Variants in LPAR5 observed in about 807,000 individuals in gnomAD.
LPAR5 encodes the protein lysophosphatidic acid receptor 5, also known as G protein-coupled receptor 92.
For missense variants in LPAR5, 544 were observed against 521.8 expected (o/e 1.04, Z -0.41); for synonymous variants, 271 against 261.6 (o/e 1.04, Z -0.35).
intron 1 of LPAR5, among the ~76,000 whole-genome samples, chr12:6,634,148 GGT>G (rs1948997334): frequency 6.6e-6 from 1 of 152,130 alleles, no homozygotes; most frequent in Non-Finnish European, 1.5e-5. Context: ...TGGGACTATA[GGT>G]GCGTGCCACC....
At position 6,619,719 on chromosome 12, in the gene LPAR5, A is replaced by G. The variant is rs1948870311; in HGVS notation, c.*411T>C. 1 of 363,544 alleles carries G rather than the reference A, an allele frequency of 2.8e-6. No individual in the cohort carries two copies. The highest frequency in any genetic ancestry group is 5.4e-6 in the Non-Finnish European group (1 of 185,992). The allele number at this position is 363,544 out of a possible 1,614,324, so 22.5% of individuals were successfully genotyped here. A position where few individuals can be genotyped will look rare whatever the true frequency, so the allele number is the denominator to read the frequency against. ...AAGTCAGCAGATGAACAGGCATCTC[A>G]GTAGCTTTGTCCACCAAACCTGGTG... is the stretch of plus-strand genomic sequence containing the variant. On this transcript the variant is annotated 3_prime_UTR_variant, in exon 2 of 2. Coordinates refer to ENST00000329858, the MANE Select transcript of LPAR5 (RefSeq NM_020400.6).
chr12:6,624,673 T>C (rs1592298797), intron 1 of LPAR5, among the ~76,000 whole-genome samples: 1 of 152,190 alleles, frequency 6.6e-6, no homozygotes, highest in South Asian at 2.1e-4. Context: ...CAGGCTGGAG[T>C]GCAATGGCAC....
At position 6,621,446 on chromosome 12, in the gene LPAR5, C is replaced by G. The variant is rs548497441; in HGVS notation, c.-198G>C. 37 of 455,222 alleles carry G rather than the reference C, an allele frequency of 8.1e-5. No individual in the cohort carries two copies. The highest frequency in any genetic ancestry group is 1.3e-4 in the Non-Finnish European group (35 of 260,392). 28.2% of individuals were successfully genotyped at this position (455,222 alleles called of 1,614,324 possible). The stretch of plus-strand genomic sequence containing the variant: ...AAGGGTTGGGTGCGTTTGGTCACAG[C>G]TTCATCAGCAGCAGAGACCTGGAAT... On this transcript the variant is annotated 5_prime_UTR_variant, in exon 2 of 2. Transcript: ENST00000329858.
At position 6,620,604 on chromosome 12, in the gene LPAR5, G is replaced by C; in HGVS notation, c.645C>G (p.Phe215Leu). ...AAVVYSSGRV[F>L]WTLARPDATQ... Reference sequence around the variant, plus strand: ...TGGCGTCGGGGCGCGCCAGCGTCCAGAAGACTCGGCCCGACGAGTAGACCA... The same window carrying C: ...TGGCGTCGGGGCGCGCCAGCGTCCACAAGACTCGGCCCGACGAGTAGACCA... Residue 215 changes from phenylalanine to leucine, a missense_variant, in exon 2 of 2, where the codon TTC becomes TTG. By Grantham distance (22) the Phe-to-Leu change is conservative. Coordinates refer to ENST00000329858, the MANE Select transcript of LPAR5 (RefSeq NM_020400.6). This position sits in a 1 kb window ranked among gnomAD's most constrained non-coding sequence, Gnocchi z 6.8. The C allele has an allele frequency of 6.4e-7, 1 of 1,551,866 alleles. No individual in the cohort carries two copies. The highest frequency in any genetic ancestry group is 8.7e-7 in the Non-Finnish European group (1 of 1,148,248).
chr12:6,623,904 G>A (rs1298639551), intron 1 of LPAR5, among the ~76,000 whole-genome samples: 1 of 152,006 alleles, frequency 6.6e-6, no homozygotes, highest in Non-Finnish European at 1.5e-5. Flanking sequence ...AGGTTGCAGT[G>A]AGCCGAGATC....
At chr12:6,635,652 T>C (rs1037401064) in intron 1 of LPAR5, among the ~76,000 whole-genome samples, 1 of 152,094 alleles carries the variant, frequency 6.6e-6, no homozygotes, top group Admixed American at 6.5e-5. Context: ...CTCTGCGAGA[T>C]GCCCCAGAGT....
At chr12:6,623,478 G>A (rs1028336251) in intron 1 of LPAR5, among the ~76,000 whole-genome samples, 6 of 152,254 alleles carry the variant, frequency 3.9e-5, no homozygotes, top group South Asian at 2.1e-4. Context: ...AGGTTGCAAT[G>A]AGTCGAGATC....
Position 6,620,406 on chromosome 12 carries a change from C to G in LPAR5, c.843G>C (p.Val281=). The stretch of plus-strand genomic sequence containing the variant: ...AGTTGGCGCCGGCCAGCAGCACCAT[C>G]ACCATCAGCACCCCGCGCACGCGAT... The part of the protein sequence containing the change: ...ARDRVRGVLM[V]MVLLAGANCV... Residue 281 remains valine, a synonymous_variant, in exon 2 of 2, where the codon GTG becomes GTC. Transcript: ENST00000329858. The surrounding 1 kb of genome is among the most constrained non-coding windows in gnomAD (Gnocchi z 6.8). 1 of 1,610,578 alleles carries G rather than the reference C, an allele frequency of 6.2e-7. No individual in the cohort carries two copies. Among genetic ancestry groups the G allele is most frequent in the Non-Finnish European group, 8.5e-7 (1 of 1,178,774 alleles).
intron 1 of LPAR5, among the ~76,000 whole-genome samples, chr12:6,633,103 T>TAA: frequency 6.6e-6 from 1 of 152,182 alleles, no homozygotes; most frequent in African/African-American, 2.4e-5. Context: ...GCAAAGGTGG[T>TAA]CTACAGCTCA....
rs537336859 is a variant in LPAR5 at position 6,634,131 on chromosome 12, G to A, written c.-217+1776C>T. Among the ~76,000 whole-genome samples the A allele has an allele frequency of 1.3e-4, 20 of 152,146 alleles. 1 individual carries two copies. The South Asian group carries it at 3.7e-3, about 28-fold the overall frequency. Reference sequence around the variant, plus strand: ...AGGGATTCTCCTGCCTCAGCCTCCCGAGCAGCTGGGACTATAGGTGCGTGC... The same window carrying A: ...AGGGATTCTCCTGCCTCAGCCTCCCAAGCAGCTGGGACTATAGGTGCGTGC... On this transcript the variant is annotated intron_variant, in intron 1 of 1. Transcript: ENST00000329858.
Position 6,620,855 on chromosome 12 carries a change from G to T in LPAR5, c.394C>A (p.Leu132Met). The T allele has an allele frequency of 6.4e-7, 1 of 1,565,710 alleles. No individual in the cohort carries two copies. Among genetic ancestry groups the T allele is most frequent in the Non-Finnish European group, 8.7e-7 (1 of 1,154,790 alleles). ...AIVHPLRLRH[L>M]RRPRVARLLC... ...AGCCGCGCCACGCGGGGCCGCCGCAGGTGGCGCAGTCGCAGCGGGTGCACG... is the reference window on the plus strand; with the variant it reads ...AGCCGCGCCACGCGGGGCCGCCGCATGTGGCGCAGTCGCAGCGGGTGCACG... The change falls in exon 2 of 2, where the codon CTG becomes ATG. Residue 132 changes from leucine (L) to methionine (M), a missense_variant. By Grantham distance (15) the Leu-to-Met change is conservative. Transcript: ENST00000329858. This position sits in a 1 kb window ranked among gnomAD's most constrained non-coding sequence, Gnocchi z 6.8.
Position 6,619,847 on chromosome 12 carries a change from C to T in LPAR5, c.*283G>A. The T allele has an allele frequency of 1.6e-6, 1 of 607,658 alleles. No individual in the cohort carries two copies. The highest frequency in any genetic ancestry group is 1.6e-5 in the South Asian group (1 of 60,854). 37.6% of individuals were successfully genotyped at this position (607,658 alleles called of 1,614,324 possible). ...GTTTAATGCCCTGCCCACCCAAAGG[C>T]ATTTCGTCCTCTTCTGCCCTCTGCA... On this transcript the variant is annotated 3_prime_UTR_variant, in exon 2 of 2. Coordinates refer to ENST00000329858, the MANE Select transcript of LPAR5 (RefSeq NM_020400.6).
Position 6,620,980 on chromosome 12 carries a change from G to T in LPAR5, c.269C>A (p.Pro90His). Reference protein sequence around the residue: ...SYYALHHWPFPDLLCQTTGAI... With the variant: ...SYYALHHWPFHDLLCQTTGAI... ...GCCCGTCGTCTGGCACAGGAGGTCGGGGAAGGGCCAGTGGTGCAGTGCGTA... is the reference window on the plus strand; with the variant it reads ...GCCCGTCGTCTGGCACAGGAGGTCGTGGAAGGGCCAGTGGTGCAGTGCGTA... Residue 90 changes from proline (P) to histidine (H), a missense_variant, in exon 2 of 2, where the codon CCC (proline) becomes CAC (histidine). Transcript: ENST00000329858. The surrounding 1 kb of genome is among the most constrained non-coding windows in gnomAD (Gnocchi z 6.8). The T allele has an allele frequency of 6.2e-7, 1 of 1,613,594 alleles. No individual in the cohort carries two copies. Among genetic ancestry groups the T allele is most frequent in the Non-Finnish European group, 8.5e-7 (1 of 1,179,818 alleles).
At chr12:6,631,326 G>A (rs1369361449) in intron 1 of LPAR5, among the ~76,000 whole-genome samples, 1 of 152,114 alleles carries the variant, frequency 6.6e-6, no homozygotes, top group African/African-American at 2.4e-5. Flanking sequence ...GGCTGGGGAG[G>A]AAGAGAAAGA....
rs750570639 is a variant in LPAR5 at position 6,620,035 on chromosome 12, A to G, written c.*95T>C. Reference sequence around the variant, plus strand: ...GCTGGAATTGCCACCCAAAGGTCCAAGTGCCCAGCCCACCTTCTTGTGTGT... The same window carrying G: ...GCTGGAATTGCCACCCAAAGGTCCAGGTGCCCAGCCCACCTTCTTGTGTGT... On this transcript the variant is annotated 3_prime_UTR_variant, in exon 2 of 2. Transcript: ENST00000329858. The surrounding 1 kb of genome is among the most constrained non-coding windows in gnomAD (Gnocchi z 6.8). The G allele has an allele frequency of 1.3e-6, 2 of 1,522,972 alleles. No homozygotes were observed. Among genetic ancestry groups the G allele is most frequent in the South Asian group, 2.4e-5 (2 of 84,640 alleles). 94.3% of individuals were successfully genotyped at this position (1,522,972 alleles called of 1,614,324 possible).
In LPAR5 at chr12:6,621,368, G is replaced by A. The variant is rs1184206424; in HGVS notation, c.-120C>T. Reference sequence around the variant, plus strand: ...CTGTACAGACATGGTCCCAAAACAAGCAGAGGGAGGTCATGGGAATGTGGG... The same window carrying A: ...CTGTACAGACATGGTCCCAAAACAAACAGAGGGAGGTCATGGGAATGTGGG... On this transcript the variant is annotated 5_prime_UTR_variant, in exon 2 of 2. Transcript: ENST00000329858. 2 of 1,002,160 alleles carry A rather than the reference G, an allele frequency of 2.0e-6. No homozygotes were observed. The highest frequency in any genetic ancestry group is 3.4e-5 in the African/African-American group (2 of 59,240). The allele number at this position is 1,002,160 out of a possible 1,614,324, so 62.1% of individuals were successfully genotyped here.
chr12:6,633,390 C>T (rs1948992917), intron 1 of LPAR5, among the ~76,000 whole-genome samples: 1 of 151,940 alleles, frequency 6.6e-6, no homozygotes, highest in Non-Finnish European at 1.5e-5. Flanking sequence ...ACTGCTCTTG[C>T]CGGTTCCTTC....
intron 1 of LPAR5, among the ~76,000 whole-genome samples, 191 bp from the exon 2 acceptor site, chr12:6,621,655 A>C (rs553024657): frequency 6.6e-6 from 1 of 152,354 alleles, no homozygotes; most frequent in Admixed American, 6.5e-5. Flanking sequence ...TCGGATGCCT[A>C]GGTTTAAATC....
At position 6,623,334 on chromosome 12, in the gene LPAR5, G is replaced by C. The variant is rs1055801589; in HGVS notation, c.-216-1870C>G. On this transcript the variant is annotated intron_variant, in intron 1 of 1. Coordinates refer to ENST00000329858, the MANE Select transcript of LPAR5 (RefSeq NM_020400.6). ...GGATTACTTGAGGCCAGGAGTTGAA[G>C]ACCAACCTGGCCAACATGACAAAAT... is the stretch of plus-strand genomic sequence containing the variant. 1.1e-4 allele frequency among the ~76,000 whole-genome samples: 17 copies of C among 151,922 alleles called. 1 individual carries two copies. The highest frequency in any genetic ancestry group is 2.1e-4 in the South Asian group (1 of 4,800).
Sources: gnomAD v4.1 joint callset for allele counts (sites outside exome capture counted in the v4.1 genomes callset) on GRCh38, gnomAD v4.1.1 for gene constraint, Gnocchi (gnomAD v3.1) non-coding constraint, MANE v1.5 for transcripts, NCBI Gene and HGNC (gene_info 2026-07-23, HGNC 2026-07-21) for gene names.